NAA35: variants seen among roughly 807,000 people sequenced by gnomAD.
The protein encoded by NAA35 is MAK10 homolog, amino-acid N-acetyltransferase subunit.
A neutral mutation model predicts 101.7 loss-of-function variants in NAA35; 18 were observed. The observed-to-expected ratio is 0.18, with a 90% CI of 0.12 to 0.26. The LOEUF (loss-of-function observed/expected upper bound fraction) is 0.26, where lower values mean the gene tolerates loss of function less well. NAA35 is among the 10% of genes least tolerant of loss of function. The pLI, the probability that NAA35 is intolerant of heterozygous loss-of-function variation, is 1.00. For missense variants in NAA35, 601 were observed against 886.8 expected, an observed-to-expected ratio of 0.68 and a Z score of 4.09; for synonymous variants, 267 against 273.1, an observed-to-expected ratio of 0.98 and a Z score of 0.22.
At chr9:85,984,977 T>TA (rs536135809) in intron 11 of NAA35, among the ~76,000 whole-genome samples, 1 of 151,920 alleles carries the variant, frequency 6.6e-6, no homozygotes, top group Non-Finnish European at 1.5e-5. Flanking sequence ...CAAACCTGCA[T>TA]AAAAAAATGG....
intron 20 of NAA35, 133 bp downstream of exon 20, chr9:86,018,528 G>T: frequency 7.6e-7 from 1 of 1,321,850 alleles, no homozygotes; most frequent in East Asian, 2.4e-5. Flanking sequence ...TAGCATATGA[G>T]GGTTGAGAAT....
At chr9:85,975,074 T>G (rs1245476572) in intron 7 of NAA35, 40 bp from the exon 8 acceptor site, 9 of 1,610,956 alleles carry the variant, frequency 5.6e-6, no homozygotes, top group Non-Finnish European at 7.6e-6. Flanking sequence ...TTTTACATTT[T>G]CATATGTTTC....
chr9:85,998,037 C>G (rs1399337978), intron 12 of NAA35, among the ~76,000 whole-genome samples: 10 of 152,114 alleles, frequency 6.6e-5, no homozygotes, highest in Admixed American at 6.5e-4. Flanking sequence ...GCCTCAGCCT[C>G]CCGAGTAGCT....
At chr9:86,010,148 T>C (rs1831835190) in intron 15 of NAA35, among the ~76,000 whole-genome samples, 1 of 151,994 alleles carries the variant, frequency 6.6e-6, no homozygotes, top group African/African-American at 2.4e-5. Context: ...CTCAGGAGCC[T>C]GAGGTGGGAA....
chr9:86,009,511 G>A (rs1198762725), intron 14 of NAA35, among the ~76,000 whole-genome samples: 1 of 152,066 alleles, frequency 6.6e-6, no homozygotes, highest in Non-Finnish European at 1.5e-5. Context: ...ATTATTATTA[G>A]GAGCACAGTC....
intron 8 of NAA35, among the ~76,000 whole-genome samples, chr9:85,975,370 A>G (rs904613094): frequency 3.3e-5 from 5 of 152,154 alleles, no homozygotes; most frequent in African/African-American, 1.2e-4. Flanking sequence ...GCACAAATTA[A>G]TGTCATTTTC....
intron 12 of NAA35, among the ~76,000 whole-genome samples, chr9:85,999,728 G>C (rs1488332139): frequency 5.9e-5 from 9 of 152,182 alleles, no homozygotes; most frequent in Non-Finnish European, 8.8e-5. Context: ...GCCCGAATAG[G>C]CATTTATTCT....
intron 11 of NAA35, among the ~76,000 whole-genome samples, chr9:85,988,563 G>C (rs1830750774): frequency 6.6e-6 from 1 of 152,128 alleles, no homozygotes; most frequent in African/African-American, 2.4e-5. Flanking sequence ...ACTTTGGGAG[G>C]CCGAGGCAGG....
At chr9:85,944,771 T>A (rs1828685827) in intron 2 of NAA35, among the ~76,000 whole-genome samples, 1 of 152,210 alleles carries the variant, frequency 6.6e-6, no homozygotes, top group Non-Finnish European at 1.5e-5. Flanking sequence ...TATGTTTCAT[T>A]TATGTTAAAG....
intron 3 of NAA35, among the ~76,000 whole-genome samples, chr9:85,957,854 G>A (rs1829342053): frequency 6.6e-6 from 1 of 152,060 alleles, no homozygotes; most frequent in South Asian, 2.1e-4. Context: ...AGAATTGTCT[G>A]GAGGGCTTAT....
chr9:85,978,383 T>A lies in NAA35; in HGVS notation c.877+2T>A. 6.4e-7 allele frequency: 1 copy of A among 1,559,846 alleles called. No individual in the cohort carries two copies. Among genetic ancestry groups the A allele is most frequent in the Non-Finnish European group, 8.8e-7 (1 of 1,130,794 alleles). ...CCCAGAATGATACTACAAAAGGAGGTAATTGTTCAATTTGCTCCTACTCTT... is the reference window on the plus strand; with the variant it reads ...CCCAGAATGATACTACAAAAGGAGGAAATTGTTCAATTTGCTCCTACTCTT... On this transcript the variant is annotated splice_donor_variant, in intron 11 of 22. Coordinates refer to ENST00000361671, the MANE Select transcript of NAA35 (RefSeq NM_024635.4). LOFTEE classifies it high-confidence loss of function.
In NAA35 at chr9:85,986,779, C is replaced by T. The variant is rs372288001; in HGVS notation, c.877+8398C>T. 1.2e-3 allele frequency: 329 copies of T among 265,214 alleles called. 2 individuals carry two copies. The highest frequency in any genetic ancestry group is 3.8e-3 in the African/African-American group (161 of 42,500). 16.4% of individuals were successfully genotyped at this position (265,214 alleles called of 1,614,324 possible). A position where few individuals can be genotyped will look rare whatever the true frequency, so the allele number is the denominator to read the frequency against. ...TTTTGTATTCTTTTTTTAGTGGAGA[C>T]GGAGTTTCACCATGTTGGCCAGGCT... is the stretch of plus-strand genomic sequence containing the variant. On this transcript the variant is annotated intron_variant, in intron 11 of 22. Transcript: ENST00000361671.
At chr9:85,976,807 C>T (rs1051759978) in intron 9 of NAA35, 72 bp downstream of exon 9, 5 of 1,161,268 alleles carry the variant, frequency 4.3e-6, no homozygotes, top group Admixed American at 2.5e-5. Context: ...TTATGAACTG[C>T]GTTATAATTT....
At chr9:86,015,055 CA>C (rs1438364451) in intron 17 of NAA35, among the ~76,000 whole-genome samples, 1 of 152,094 alleles carries the variant, frequency 6.6e-6, no homozygotes, top group Non-Finnish European at 1.5e-5. Context: ...TGCACCACTG[CA>C]CCTGGCTACT....
intron 6 of NAA35, among the ~76,000 whole-genome samples, chr9:85,973,211 T>A (rs1047235214): frequency 6.6e-6 from 1 of 152,086 alleles, no homozygotes; most frequent in Non-Finnish European, 1.5e-5. Flanking sequence ...TGGTAGGAAA[T>A]AAAGTTGGCG....
intron 11 of NAA35, among the ~76,000 whole-genome samples, chr9:85,987,393 A>G (rs905335855): frequency 1.3e-5 from 2 of 152,208 alleles, no homozygotes; most frequent in African/African-American, 4.8e-5. Flanking sequence ...AAACTATGCT[A>G]TTACAACCCA....
intron 2 of NAA35, among the ~76,000 whole-genome samples, chr9:85,944,357 A>G (rs1828662973): frequency 6.6e-6 from 1 of 152,234 alleles, no homozygotes; most frequent in African/African-American, 2.4e-5. Context: ...AGTTGAAAGC[A>G]TATAAAGAAG....
At position 85,958,537 on chromosome 9, in the gene NAA35, T is replaced by C. The variant is rs777879548; in HGVS notation, c.224T>C (p.Ile75Thr). 1.2e-6 allele frequency: 2 copies of C among 1,611,696 alleles called. No homozygotes were observed. The highest frequency in any genetic ancestry group is 1.7e-6 in the Non-Finnish European group (2 of 1,178,690). The change falls in exon 4 of 23, where the codon ATT (isoleucine) becomes ACT (threonine). Residue 75 changes from isoleucine to threonine, a missense_variant. This residue lies in a region of NAA35 where 42 missense variants were observed against 41.2 expected (regional missense o/e 1.02). Transcript: ENST00000361671. ...MMDPKMDAGM[I>T]GNQVNRKVLN... ...GATCCCAAGATGGATGCTGGCATGA[T>C]TGGAAACCAAGTTAATCGAAAAGTT...
intron 1 of NAA35, chr9:85,941,550 G>GGGGCTGGGCT: frequency 5.1e-6 from 5 of 985,610 alleles, no homozygotes; most frequent in Non-Finnish European, 6.0e-6. Context: ...CAGTGGGACC[G>GGGGCTGGGCT]GGGCTGGGCT....
Sources: allele counts gnomAD v4.1 joint callset (sites outside exome capture counted in the v4.1 genomes callset), GRCh38; gene constraint gnomAD v4.1.1; regional missense constraint gnomAD v4.1.1; transcripts MANE v1.5; gene names NCBI Gene and HGNC (gene_info 2026-07-23, HGNC 2026-07-21).